Variants in CTNNA2 observed in about 807,000 individuals in gnomAD.
The protein encoded by CTNNA2 is catenin alpha-2.
In CTNNA2, 42 loss-of-function variants were observed where a neutral mutation model predicts 101.0. That is an observed-to-expected ratio of 0.42 (90% CI 0.32 to 0.54). The LOEUF (loss-of-function observed/expected upper bound fraction) is 0.54, where lower values mean the gene tolerates loss of function less well. CTNNA2 is among the 20% of genes least tolerant of loss of function. The pLI is 0.14. For missense variants in CTNNA2, 871 were observed against 1,223.1 expected (o/e 0.71, Z 4.29); for synonymous variants, 450 against 456.4 (o/e 0.99, Z 0.18).
Position 80,603,210 on chromosome 2 carries a change from C to T in CTNNA2, c.2190-864C>T, listed in dbSNP as rs1697708389. The stretch of plus-strand genomic sequence containing the variant: ...GATAAACATAATTTATTCTTTACCT[C>T]TCACAATAAGGGAAAGAAAAGTTAT... On this transcript the variant is annotated intron_variant, in intron 15 of 18. Transcript: ENST00000402739. Among the ~76,000 whole-genome samples, 3 of 152,038 alleles carry T rather than the reference C, an allele frequency of 2.0e-5. No homozygotes were observed. The South Asian group carries it at 6.2e-4, about 31-fold the overall frequency.
At chr2:79,431,249 C>A (rs377278731) in intron 4 of CTNNA2, among the ~76,000 whole-genome samples, 1 of 152,034 alleles carries the variant, frequency 6.6e-6, no homozygotes, top group African/African-American at 2.4e-5. Context: ...TTTTAGAGAC[C>A]GGTAATGTTA....
chr2:79,187,346 T>C (rs1673794799), intron 1 of CTNNA2, among the ~76,000 whole-genome samples: 1 of 145,920 alleles, frequency 6.9e-6, no homozygotes, highest in Non-Finnish European at 1.5e-5. Flanking sequence ...CTCAGCTCAC[T>C]GCAATTTCTG....
chr2:80,607,453 C>T (rs535498601), intron 16 of CTNNA2, among the ~76,000 whole-genome samples: 5 of 151,878 alleles, frequency 3.3e-5, no homozygotes, highest in East Asian at 2.0e-4. Flanking sequence ...GATGGACACC[C>T]GCCTACTTCG....
intron 7 of CTNNA2, among the ~76,000 whole-genome samples, chr2:80,024,705 C>T (rs1694825542): frequency 6.6e-6 from 1 of 152,170 alleles, no homozygotes; most frequent in Admixed American, 6.5e-5. Context: ...GCTCTGCCAT[C>T]TGGGAAAGAG....
intron 4 of CTNNA2, among the ~76,000 whole-genome samples, chr2:79,476,723 T>C (rs17017181): frequency 0.018 from 2,736 of 152,318 alleles, 74 homozygotes; most frequent in African/African-American, 0.062. Context: ...TATTCTCCTG[T>C]CTGCAGTTTC....
intron 18 of CTNNA2, among the ~76,000 whole-genome samples, chr2:80,625,654 C>G (rs1573495037): frequency 6.6e-6 from 1 of 152,076 alleles, no homozygotes; most frequent in Admixed American, 6.6e-5. Flanking sequence ...ATAATGAACA[C>G]ATAATCTATG....
intron 9 of CTNNA2, among the ~76,000 whole-genome samples, chr2:80,464,314 T>C (rs1488079807): frequency 6.6e-6 from 1 of 152,212 alleles, no homozygotes; most frequent in Non-Finnish European, 1.5e-5. Flanking sequence ...CTTTTCATCA[T>C]GGTACCAGGT....
chr2:80,439,024 T>C (rs993042201), intron 9 of CTNNA2, among the ~76,000 whole-genome samples: 2 of 152,216 alleles, frequency 1.3e-5, no homozygotes, highest in African/African-American at 4.8e-5. Context: ...AATCCCTTTC[T>C]CTTTTTGATA....
intron 11 of CTNNA2, among the ~76,000 whole-genome samples, chr2:80,547,878 G>A (rs1012089707): frequency 1.3e-5 from 2 of 151,940 alleles, no homozygotes; most frequent in African/African-American, 4.8e-5. Context: ...TGGTAGTAGA[G>A]ACGGGGTTTC....
intron 9 of CTNNA2, among the ~76,000 whole-genome samples, chr2:80,508,655 C>T: frequency 6.8e-6 from 1 of 147,716 alleles, no homozygotes. Flanking sequence ...TTTCCTTGAA[C>T]TGTGCTATGG....
intron 1 of CTNNA2, among the ~76,000 whole-genome samples, chr2:79,577,984 C>T (rs995665344): frequency 2.0e-5 from 3 of 152,084 alleles, no homozygotes; most frequent in Admixed American, 6.6e-5. Context: ...AAAGCTCATA[C>T]GTGTGAATGT....
intron 9 of CTNNA2, among the ~76,000 whole-genome samples, chr2:80,447,251 A>G (rs572125932): frequency 1.1e-4 from 16 of 152,132 alleles, no homozygotes; most frequent in Admixed American, 2.0e-4. Context: ...TTTTTTTCCA[A>G]TGCCTTCAAT....
At chr2:80,025,885 G>A (rs770336840) in intron 7 of CTNNA2, among the ~76,000 whole-genome samples, 5 of 152,136 alleles carry the variant, frequency 3.3e-5, no homozygotes, top group Admixed American at 6.5e-5. Context: ...CAAGGTGCTC[G>A]AGAAACAGCA....
At chr2:79,711,992 C>G (rs1468849259) in intron 2 of CTNNA2, among the ~76,000 whole-genome samples, 1 of 152,126 alleles carries the variant, frequency 6.6e-6, no homozygotes, top group Non-Finnish European at 1.5e-5. Flanking sequence ...ACTTTTCACT[C>G]AGAGCTATAG....
chr2:79,282,310 G>T lies in CTNNA2; in HGVS notation c.-405-30399G>T, dbSNP rs554599960. ...TTAGGGTACCTGTGCACAATGTGCA[G>T]GTTAGTTACATATGTATACATGTGC... On this transcript the variant is annotated intron_variant, in intron 2 of 21. Transcript: ENST00000466387. Among the ~76,000 whole-genome samples, 58 of 151,982 alleles carry T rather than the reference G, an allele frequency of 3.8e-4. No homozygotes were observed. The Middle Eastern group carries it at 0.01, about 27-fold the overall frequency.
At chr2:79,783,376 A>G (rs1674599562) in intron 3 of CTNNA2, among the ~76,000 whole-genome samples, 1 of 152,196 alleles carries the variant, frequency 6.6e-6, no homozygotes, top group African/African-American at 2.4e-5. Context: ...TGGAATCTCT[A>G]CTAGGATTAT....
intron 2 of CTNNA2, among the ~76,000 whole-genome samples, chr2:79,662,414 T>G (rs1441686099): frequency 6.6e-6 from 1 of 152,154 alleles, no homozygotes; most frequent in African/African-American, 2.4e-5. Flanking sequence ...TAATGATATC[T>G]TTATGTGCTT....
chr2:80,009,726 CTGTG>C (rs57813087), intron 7 of CTNNA2, among the ~76,000 whole-genome samples: 30 of 147,826 alleles, frequency 2.0e-4, no homozygotes, highest in African/African-American at 3.0e-4. Flanking sequence ...TGGTGTGTGT[CTGTG>C]TGTGTGTGTG....
At chr2:79,603,281 G>A (rs946791487) in intron 1 of CTNNA2, among the ~76,000 whole-genome samples, 1 of 152,092 alleles carries the variant, frequency 6.6e-6, no homozygotes, top group Non-Finnish European at 1.5e-5. Flanking sequence ...AATTTAAAAA[G>A]TGTAACATTT....
Sources: gnomAD v4.1 joint callset for allele counts (sites outside exome capture counted in the v4.1 genomes callset) on GRCh38, gnomAD v4.1.1 for gene constraint, MANE v1.5 for transcripts, NCBI Gene and HGNC (gene_info 2026-07-23, HGNC 2026-07-21) for gene names.